The following CHRM3 variants were observed in gnomAD, a reference collection of about 807,000 sequenced individuals.
CHRM3 encodes cholinergic receptor muscarinic 3.
CHRM3 carries 11 observed loss-of-function variants against 41.8 expected under a neutral mutation model. The observed-to-expected ratio is 0.26, with a 90% CI of 0.17 to 0.44. The LOEUF (loss-of-function observed/expected upper bound fraction) is 0.44, where lower values mean the gene tolerates loss of function less well. Ranked by LOEUF, CHRM3 falls within the 20% of genes least tolerant of loss-of-function variation. The pLI is 1.00. For missense variants in CHRM3, 571 were observed against 745.4 expected (o/e 0.77, Z 2.72); for synonymous variants, 297 against 301.4 (o/e 0.99, Z 0.15).
Position 239,386,680 on chromosome 1 carries a change from TC to T in CHRM3, c.-1067del, listed in dbSNP as rs959745410. The T allele has an allele frequency of 2.6e-5, 4 of 152,604 alleles. No homozygotes were observed. Among genetic ancestry groups the T allele is most frequent in the African/African-American group, 9.7e-5 (4 of 41,428 alleles). 9.5% of individuals were successfully genotyped at this position (152,604 alleles called of 1,614,324 possible). On this transcript the variant is annotated 5_prime_UTR_variant, in exon 1 of 7. Transcript: ENST00000676153. ...CGCCACCACCAGGCAGAGGAAGAGTTCGTGGGGAGGAAAAGACCTCTCCTCC... is the reference window on the plus strand; with the variant it reads ...CGCCACCACCAGGCAGAGGAAGAGTTGTGGGGAGGAAAAGACCTCTCCTCC...
intron 2 of CHRM3, among the ~76,000 whole-genome samples, chr1:239,503,368 A>T (rs1349719759): frequency 6.6e-6 from 1 of 152,126 alleles, no homozygotes; most frequent in African/African-American, 2.4e-5. Context: ...GAGGTGAAAG[A>T]CCTCTACAAG....
At chr1:239,859,151 C>T (rs569011819) in intron 6 of CHRM3, among the ~76,000 whole-genome samples, 45 of 152,270 alleles carry the variant, frequency 3.0e-4, no homozygotes, top group African/African-American at 1.1e-3. Flanking sequence ...TACGTTTAAC[C>T]ATTAAAATAA....
chr1:239,691,152 ACC>A (rs778365511), intron 5 of CHRM3, among the ~76,000 whole-genome samples: 3 of 151,898 alleles, frequency 2.0e-5, no homozygotes, highest in East Asian at 3.9e-4. Flanking sequence ...AGGTCACCAG[ACC>A]CCCATGGTCA....
At chr1:239,890,367 T>C (rs1259595309) in intron 6 of CHRM3, among the ~76,000 whole-genome samples, 1 of 148,296 alleles carries the variant, frequency 6.7e-6, no homozygotes, top group Non-Finnish European at 1.5e-5. Flanking sequence ...AAAAGAAAAA[T>C]GGAGAGTGTG....
At chr1:239,442,483 T>C (rs2103261470) in intron 1 of CHRM3, among the ~76,000 whole-genome samples, 1 of 152,198 alleles carries the variant, frequency 6.6e-6, no homozygotes, top group African/African-American at 2.4e-5. Flanking sequence ...TTTAAAAATT[T>C]TCAGGGTGAA....
intron 3 of CHRM3, among the ~76,000 whole-genome samples, chr1:239,604,433 C>T (rs1572885135): frequency 6.6e-6 from 1 of 152,148 alleles, no homozygotes; most frequent in East Asian, 1.9e-4. Context: ...AGCACATTCT[C>T]ACCTCTTTTA....
chr1:239,426,049 T>A (rs1183429086), intron 1 of CHRM3, among the ~76,000 whole-genome samples: 1 of 151,446 alleles, frequency 6.6e-6, no homozygotes, highest in Non-Finnish European at 1.5e-5. Context: ...GCAGGTTAGT[T>A]ACATATGTAT....
intron 2 of CHRM3, among the ~76,000 whole-genome samples, chr1:239,542,947 T>C (rs1409704547): frequency 6.6e-6 from 1 of 152,244 alleles, no homozygotes; most frequent in Non-Finnish European, 1.5e-5. Flanking sequence ...CATGCTTTCT[T>C]CGTTTTACAT....
intron 4 of CHRM3, among the ~76,000 whole-genome samples, chr1:239,639,672 A>G (rs923493781): frequency 3.3e-5 from 5 of 151,676 alleles, no homozygotes; most frequent in South Asian, 4.2e-4. Context: ...GGCTGAGACA[A>G]TGGGGTTTTC....
chr1:239,458,308 G>A (rs907053080), intron 1 of CHRM3, among the ~76,000 whole-genome samples: 19 of 152,028 alleles, frequency 1.2e-4, no homozygotes, highest in African/African-American at 4.1e-4. Context: ...GTGTTTCCAG[G>A]CATACTGAAG....
intron 5 of CHRM3, among the ~76,000 whole-genome samples, chr1:239,812,445 C>A (rs1193247566): frequency 6.6e-6 from 1 of 152,046 alleles, no homozygotes. Flanking sequence ...GAAAGAGAAC[C>A]CTATCCACTG....
intron 5 of CHRM3, among the ~76,000 whole-genome samples, chr1:239,782,435 C>A (rs1668576672): frequency 6.6e-6 from 1 of 152,114 alleles, no homozygotes; most frequent in Admixed American, 6.5e-5. Context: ...CTTGTAAAGT[C>A]CATGTTATCT....
chr1:239,633,490 T>A (rs935748621), intron 4 of CHRM3, among the ~76,000 whole-genome samples: 2 of 152,036 alleles, frequency 1.3e-5, no homozygotes, highest in Admixed American at 1.3e-4. Flanking sequence ...CCAAACCTTA[T>A]CACTACCCTC....
At chr1:239,789,873 A>G (rs553209284) in intron 5 of CHRM3, among the ~76,000 whole-genome samples, 4 of 152,226 alleles carry the variant, frequency 2.6e-5, no homozygotes, top group Non-Finnish European at 5.9e-5. Context: ...TCAGTTTTGC[A>G]GATTCCTCAT....
intron 1 of CHRM3, among the ~76,000 whole-genome samples, chr1:239,483,115 G>T (rs1334723721): frequency 6.6e-6 from 1 of 152,166 alleles, no homozygotes; most frequent in Non-Finnish European, 1.5e-5. Flanking sequence ...ATAATTTGAG[G>T]ACACTAGTTT....
chr1:239,747,878 A>C (rs1007544242), intron 5 of CHRM3, among the ~76,000 whole-genome samples: 2 of 152,098 alleles, frequency 1.3e-5, no homozygotes, highest in African/African-American at 4.8e-5. Flanking sequence ...CTAAAAATAC[A>C]GAAAAAAAAT....
intron 3 of CHRM3, among the ~76,000 whole-genome samples, chr1:239,621,483 C>T (rs1668357218): frequency 6.6e-6 from 1 of 152,058 alleles, no homozygotes; most frequent in African/African-American, 2.4e-5. Context: ...AACAGTTAGC[C>T]AAGTTGTGAA....
intron 6 of CHRM3, among the ~76,000 whole-genome samples, chr1:239,879,966 C>G (rs1677449020): frequency 6.6e-6 from 1 of 152,162 alleles, no homozygotes; most frequent in Admixed American, 6.5e-5. Context: ...GTTACCCAGC[C>G]AGGCTTGTTC....
At chr1:239,856,629 T>A (rs1330833941) in intron 6 of CHRM3, among the ~76,000 whole-genome samples, 2 of 152,104 alleles carry the variant, frequency 1.3e-5, no homozygotes, top group African/African-American at 4.8e-5. Flanking sequence ...AATGGACTAA[T>A]ACAGATGGTA....
Sources: allele counts gnomAD v4.1 joint callset (sites outside exome capture counted in the v4.1 genomes callset), GRCh38; gene constraint gnomAD v4.1.1; transcripts MANE v1.5; gene names NCBI Gene and HGNC (gene_info 2026-07-23, HGNC 2026-07-21).